Variants in CHMP1A observed in about 807,000 individuals in gnomAD.
CHMP1A encodes the protein VPS46 homolog A.
A neutral mutation model predicts 27.0 loss-of-function variants in CHMP1A; 17 were observed. That is an observed-to-expected ratio of 0.63 (90% CI 0.43 to 0.95). The LOEUF is 0.95. CHMP1A is among the 40% of genes least tolerant of loss of function. The pLI is 0.00. For missense variants in CHMP1A, 275 were observed against 264.0 expected (o/e 1.04, Z -0.29); for synonymous variants, 131 against 107.5 (o/e 1.22, Z -1.35).
At chr16:89,651,808 T>C (rs2059826723) in intron 2 of CHMP1A, among the ~76,000 whole-genome samples, 162 bp from the exon 3 acceptor site, 2 of 152,198 alleles carry the variant, frequency 1.3e-5, no homozygotes, top group South Asian at 2.1e-4. Flanking sequence ...GCGTGAAGCC[T>C]GTGGGCGTGC....
chr16:89,657,385 A>G (rs1401931681), intron 1 of CHMP1A, among the ~76,000 whole-genome samples, 197 bp downstream of exon 1: 3 of 118,560 alleles, frequency 2.5e-5, no homozygotes, highest in South Asian at 3.2e-4. Flanking sequence ...CGGGTCGGGG[A>G]TCGGGGGACG....
chr16:89,647,045 C>A, intron 5 of CHMP1A, 158 bp downstream of exon 5: 1 of 1,527,588 alleles, frequency 6.5e-7, no homozygotes, highest in South Asian at 1.2e-5. Context: ...CTGTCAGGGT[C>A]CTGGCAGGGA....
chr16:89,652,806 C>T (rs1035230557), intron 2 of CHMP1A, among the ~76,000 whole-genome samples: 5 of 152,236 alleles, frequency 3.3e-5, no homozygotes, highest in South Asian at 2.1e-4. Context: ...TCAGAGCCAG[C>T]GACAAGGCAA....
Position 89,653,394 on chromosome 16 carries a change from G to A in CHMP1A, c.27+510C>T, listed in dbSNP as rs142949798. Among the ~76,000 whole-genome samples the A allele has an allele frequency of 2.3e-4, 35 of 150,024 alleles. No individual in the cohort carries two copies. The East Asian group carries it at 6.9e-3, about 29-fold the overall frequency. On this transcript the variant is annotated intron_variant, in intron 2 of 6. Transcript: ENST00000397901. ...CCAGCACTTTAGGAGGCCGAGGTAG[G>A]CGGATCACGAGGTGAAGAGATCGAG... is the stretch of plus-strand genomic sequence containing the variant.
In CHMP1A at chr16:89,645,756, G is replaced by C; in HGVS notation, c.*310C>G. ...GGGAAGCAGCATGTCTGCTGCCCCA[G>C]AGTCTGAAGGCCCCCACAGTGCTGG... On this transcript the variant is annotated 3_prime_UTR_variant, in exon 7 of 7. Transcript: ENST00000397901. 1 of 619,884 alleles carries C rather than the reference G, an allele frequency of 1.6e-6. No individual in the cohort carries two copies. Among genetic ancestry groups the C allele is most frequent in the South Asian group, 1.9e-5 (1 of 51,400 alleles). 38.4% of individuals were successfully genotyped at this position (619,884 alleles called of 1,614,324 possible).
chr16:89,646,674 G>A lies in CHMP1A; in HGVS notation c.422C>T (p.Thr141Met), dbSNP rs745554786. The change falls in exon 6 of 7, where the codon ACG (threonine) becomes ATG (methionine). Residue 141 changes from threonine (T) to methionine (M), a missense_variant. Coordinates refer to ENST00000397901, the MANE Select transcript of CHMP1A (RefSeq NM_002768.5). ...DSMSSATTLT[T>M]PQEQVDSLIM... ...GAGGCTGTCCACCTGCTCCTGCGGCGTGGTCAGGGTGGTGGCCGAGCTCAT... is the reference window on the plus strand; with the variant it reads ...GAGGCTGTCCACCTGCTCCTGCGGCATGGTCAGGGTGGTGGCCGAGCTCAT... 24 of 1,610,532 alleles carry A rather than the reference G, an allele frequency of 1.5e-5. No homozygotes were observed. The highest frequency in any genetic ancestry group is 3.3e-5 in the South Asian group (3 of 90,362).
At chr16:89,657,162 T>C (rs1479135079) in intron 1 of CHMP1A, among the ~76,000 whole-genome samples, 2 of 115,546 alleles carry the variant, frequency 1.7e-5, no homozygotes, top group African/African-American at 3.4e-5. Flanking sequence ...CGGTCGGTGG[T>C]CGGGGGTCGA....
chr16:89,645,969 C>A lies in CHMP1A; in HGVS notation c.*97G>T. The A allele has an allele frequency of 6.2e-7, 1 of 1,611,684 alleles. No individual in the cohort carries two copies. Among genetic ancestry groups the A allele is most frequent in the Non-Finnish European group, 8.5e-7 (1 of 1,179,302 alleles). ...ACGCAGAGTGGCTGCCGGCCGCAGC[C>A]CCGCGGGGTCAGCACAAAGGCAAGA... On this transcript the variant is annotated 3_prime_UTR_variant, in exon 7 of 7. Coordinates refer to ENST00000397901, the MANE Select transcript of CHMP1A (RefSeq NM_002768.5).
chr16:89,656,633 C>T (rs1030710035), intron 1 of CHMP1A, among the ~76,000 whole-genome samples: 7 of 152,240 alleles, frequency 4.6e-5, no homozygotes, highest in Admixed American at 4.6e-4. Flanking sequence ...CTGCTCAAAC[C>T]TCTGCTTCCC....
rs78751799 is a variant in CHMP1A at position 89,655,247 on chromosome 16, C to T, written c.8-1324G>A. Among the ~76,000 whole-genome samples, 3,687 of 152,246 alleles carry T rather than the reference C, an allele frequency of 0.024. 670 individuals are homozygous for T. The East Asian group carries it at 0.5, about 21-fold the overall frequency. On this transcript the variant is annotated intron_variant, in intron 1 of 6. Transcript: ENST00000397901. ...TCATCTATCAGTTCAGGTGTGGTCA[C>T]GGCCAAGGTTATCTGTGACTGGAAA...
chr16:89,646,431 A>C, intron 6 of CHMP1A, 96 bp downstream of exon 6: 2 of 1,324,662 alleles, frequency 1.5e-6, no homozygotes, highest in Non-Finnish European at 2.1e-6. Context: ...GCCTCAGCCC[A>C]AGCTCTCCTC....
chr16:89,657,671 C>A lies in CHMP1A; in HGVS notation c.-83G>T, dbSNP rs1238194676. The A allele has an allele frequency of 5.8e-6, 9 of 1,565,158 alleles. No individual in the cohort carries two copies. The African/African-American group carries it at 1.2e-4, about 21-fold the overall frequency. ...TGTCAGGTCCCGGCGGCGATCGAAC[C>A]GACCAAGCTGCACCCGGCGGGGACT... On this transcript the variant is annotated 5_prime_UTR_variant, in exon 1 of 7. Transcript: ENST00000397901.
intron 5 of CHMP1A, 84 bp downstream of exon 5, chr16:89,647,119 A>T: frequency 6.4e-7 from 1 of 1,555,216 alleles, no homozygotes. Flanking sequence ...ACAGCACGTC[A>T]GCCTGTGAGC....
At position 89,645,790 on chromosome 16, in the gene CHMP1A, C is replaced by T. The variant is rs959467311; in HGVS notation, c.*276G>A. 7.7e-6 allele frequency: 7 copies of T among 914,032 alleles called. No homozygotes were observed. The highest frequency in any genetic ancestry group is 3.0e-5 in the Admixed American group (1 of 33,376). 56.6% of individuals were successfully genotyped at this position (914,032 alleles called of 1,614,324 possible). A position where few individuals can be genotyped will look rare whatever the true frequency, so the allele number is the denominator to read the frequency against. ...GGCCCCCACAGTGCTGGGTGAAAGT[C>T]CACAGGGCCCCTCTTGGCCTCCCCG... On this transcript the variant is annotated 3_prime_UTR_variant, in exon 7 of 7. Transcript: ENST00000397901.
intron 5 of CHMP1A, 38 bp from the exon 6 acceptor site, chr16:89,646,752 C>A: frequency 6.3e-7 from 1 of 1,592,428 alleles, no homozygotes; most frequent in Non-Finnish European, 8.6e-7. Context: ...CAGGTGGGGC[C>A]AGGCCCATGG....
At chr16:89,657,485 G>C in intron 1 of CHMP1A, 97 bp downstream of exon 1, 2 of 1,507,240 alleles carry the variant, frequency 1.3e-6, no homozygotes, top group South Asian at 2.4e-5. Flanking sequence ...GCTCTCCTGA[G>C]TCCTGCCCGC....
chr16:89,646,364 G>A (rs575201422), intron 6 of CHMP1A, among the ~76,000 whole-genome samples, 163 bp downstream of exon 6: 5 of 152,326 alleles, frequency 3.3e-5, no homozygotes, highest in African/African-American at 9.6e-5. Context: ...AGGGCGGCTC[G>A]CTTGGGGGCG....
chr16:89,649,661 C>T lies in CHMP1A; in HGVS notation c.106-164G>A, dbSNP rs542687848. The T allele has an allele frequency of 2.8e-4, 215 of 772,398 alleles. 1 individual carries two copies. The highest frequency in any genetic ancestry group is 1.4e-3 in the Middle Eastern group (4 of 2,940). 47.8% of individuals were successfully genotyped at this position (772,398 alleles called of 1,614,324 possible). A position where few individuals can be genotyped will look rare whatever the true frequency, so the allele number is the denominator to read the frequency against. On this transcript the variant is annotated intron_variant, in intron 3 of 6. Coordinates refer to ENST00000397901, the MANE Select transcript of CHMP1A (RefSeq NM_002768.5). The stretch of plus-strand genomic sequence containing the variant: ...CACGATCTCGACTCAACGCAAGCTC[C>T]GCCCCCCAGGTTCATGCCATTCTCC...
In CHMP1A at chr16:89,657,613, C is replaced by T. The variant is rs1307282383; in HGVS notation, c.-25G>A. 1.2e-6 allele frequency: 2 copies of T among 1,610,768 alleles called. No homozygotes were observed. The highest frequency in any genetic ancestry group is 1.7e-5 in the Admixed American group (1 of 59,930). On this transcript the variant is annotated 5_prime_UTR_variant, in exon 1 of 7. Coordinates refer to ENST00000397901, the MANE Select transcript of CHMP1A (RefSeq NM_002768.5). The stretch of plus-strand genomic sequence containing the variant: ...TGGCCACAATGACAGGAGCAGCACT[C>T]GGAGAGGGAGAAGGGACGCCAACTC...
Sources: allele counts gnomAD v4.1 joint callset (sites outside exome capture counted in the v4.1 genomes callset), GRCh38; gene constraint gnomAD v4.1.1; transcripts MANE v1.5; gene names NCBI Gene and HGNC (gene_info 2026-07-23, HGNC 2026-07-21).